NAV3: variants seen among roughly 807,000 people sequenced by gnomAD.
The protein encoded by NAV3 is pore membrane and/or filament interacting like protein 1.
In NAV3, 87 loss-of-function variants were observed where a neutral mutation model predicts 244.7. That is an observed-to-expected ratio of 0.36 (90% CI 0.30 to 0.42). The LOEUF is 0.42. Among genes scored for constraint, NAV3 ranks in the 20% least tolerant of loss-of-function variants. NAV3 has a pLI of 1.00. For missense variants in NAV3, 2,663 were observed against 2,893.3 expected (o/e 0.92, Z 1.83); for synonymous variants, 1,126 against 1,042.2 (o/e 1.08, Z -1.55).
At chr12:77,969,576 A>G (rs1284139961) in intron 5 of NAV3, among the ~76,000 whole-genome samples, 2 of 152,056 alleles carry the variant, frequency 1.3e-5, no homozygotes, top group Non-Finnish European at 2.9e-5. Flanking sequence ...GCCAGGCACG[A>G]TGGCTCAAGC....
intron 8 of NAV3, among the ~76,000 whole-genome samples, chr12:78,010,234 T>A (rs190051110): frequency 2.6e-5 from 4 of 152,302 alleles, no homozygotes; most frequent in Admixed American, 2.0e-4. Flanking sequence ...GTTTATAGAG[T>A]CATGACATTT....
Position 77,938,993 on chromosome 12 carries a change from A to G in NAV3, c.244-1326A>G, listed in dbSNP as rs1025520127. On this transcript the variant is annotated intron_variant, in intron 1 of 39. Coordinates refer to ENST00000397909, the MANE Select transcript of NAV3 (RefSeq NM_001024383.2). ...TGGCATGGTGTGAAGTGCGGTGTAG[A>G]TACATCAATTCTGGAACTCTTCATA... Among the ~76,000 whole-genome samples, 4 of 151,370 alleles carry G rather than the reference A, an allele frequency of 2.6e-5. No individual in the cohort carries two copies. In the Admixed American group the frequency reaches 2.7e-4, roughly 10 times the overall value.
At chr12:77,958,411 G>A (rs1891570339) in intron 3 of NAV3, among the ~76,000 whole-genome samples, 1 of 152,134 alleles carries the variant, frequency 6.6e-6, no homozygotes, top group African/African-American at 2.4e-5. Flanking sequence ...GATAGAACAT[G>A]AAACAATGGT....
At chr12:77,752,580 G>A (rs529742340) in intron 2 of NAV3, among the ~76,000 whole-genome samples, 12 of 152,152 alleles carry the variant, frequency 7.9e-5, no homozygotes, top group East Asian at 1.9e-4. Flanking sequence ...CAATTCTACC[G>A]AACTGACTCC....
chr12:77,945,928 T>A (rs909355699), intron 3 of NAV3, among the ~76,000 whole-genome samples: 6 of 151,532 alleles, frequency 4.0e-5, no homozygotes, highest in Admixed American at 4.0e-4. Flanking sequence ...TTTTTTAATT[T>A]TTTTAATTTT....
chr12:77,781,132 C>T (rs1222556713), intron 2 of NAV3, among the ~76,000 whole-genome samples: 3 of 152,102 alleles, frequency 2.0e-5, no homozygotes, highest in South Asian at 2.1e-4. Context: ...AAGGTGTTGA[C>T]CAGGACCAAG....
At chr12:78,159,382 G>T (rs148708681) in intron 23 of NAV3, 96 bp downstream of exon 23, 1 of 1,134,842 alleles carries the variant, frequency 8.8e-7, no homozygotes, top group Non-Finnish European at 1.3e-6. Context: ...TAATATTCCA[G>T]GCTGAGTGCA....
chr12:77,761,977 C>T (rs1869489893), intron 2 of NAV3, among the ~76,000 whole-genome samples: 2 of 108,094 alleles, frequency 1.9e-5, no homozygotes, highest in African/African-American at 4.7e-5. Flanking sequence ...CACATGCACA[C>T]ATATGTTTTT....
chr12:77,617,011 A>G (rs1408820537), intron 2 of NAV3, among the ~76,000 whole-genome samples: 1 of 152,162 alleles, frequency 6.6e-6, no homozygotes, highest in Non-Finnish European at 1.5e-5. Flanking sequence ...CTAAATAGTC[A>G]CTTATCTTTT....
chr12:78,201,791 T>C (rs1444888774), intron 38 of NAV3, among the ~76,000 whole-genome samples: 1 of 152,072 alleles, frequency 6.6e-6, no homozygotes, highest in Non-Finnish European at 1.5e-5. Flanking sequence ...AATTAAGATA[T>C]AGTTTATGTT....
chr12:77,843,582 A>G (rs1421336882), intron 1 of NAV3, among the ~76,000 whole-genome samples: 2 of 151,638 alleles, frequency 1.3e-5, no homozygotes, highest in African/African-American at 4.8e-5. Flanking sequence ...CTTTTTAGGA[A>G]TCTATATTCA....
At chr12:78,125,537 A>C (rs1265502929) in intron 16 of NAV3, among the ~76,000 whole-genome samples, 2 of 152,114 alleles carry the variant, frequency 1.3e-5, no homozygotes, top group Non-Finnish European at 2.9e-5. Flanking sequence ...CAACTTTGCA[A>C]ATTCTGGGTT....
intron 1 of NAV3, among the ~76,000 whole-genome samples, chr12:77,872,270 G>A (rs1881086960): frequency 6.6e-6 from 1 of 152,008 alleles, no homozygotes; most frequent in Admixed American, 6.6e-5. Context: ...TTCTTCTCTA[G>A]CATGGGAACA....
chr12:78,022,237 C>G (rs1877276235), intron 9 of NAV3, among the ~76,000 whole-genome samples: 1 of 152,058 alleles, frequency 6.6e-6, no homozygotes, highest in Non-Finnish European at 1.5e-5. Flanking sequence ...TAAAACATCT[C>G]TACAGGGTGG....
intron 2 of NAV3, among the ~76,000 whole-genome samples, chr12:77,709,544 T>A (rs143714816): frequency 3.9e-4 from 59 of 152,342 alleles, no homozygotes; most frequent in Non-Finnish European, 7.9e-4. Flanking sequence ...GCTTTCTAGA[T>A]ATATGAAGGA....
chr12:77,684,766 T>A (rs564707439), intron 2 of NAV3, among the ~76,000 whole-genome samples: 2 of 152,310 alleles, frequency 1.3e-5, no homozygotes, highest in South Asian at 4.1e-4. Context: ...ATTCTTTTTA[T>A]GTTTTCTTCA....
At chr12:77,790,281 C>G (rs1871125457) in intron 2 of NAV3, among the ~76,000 whole-genome samples, 1 of 152,146 alleles carries the variant, frequency 6.6e-6, no homozygotes, top group East Asian at 1.9e-4. Context: ...CATCTTTTGA[C>G]TCACCAGAAA....
chr12:77,584,624 A>G (rs1452549643), intron 2 of NAV3, among the ~76,000 whole-genome samples: 1 of 152,186 alleles, frequency 6.6e-6, no homozygotes. Context: ...GACTCTTACA[A>G]GTGAGAAAAA....
chr12:77,874,842 A>G lies in NAV3; in HGVS notation c.243+43138A>G, dbSNP rs571347781. 9.9e-5 allele frequency among the ~76,000 whole-genome samples: 15 copies of G among 151,126 alleles called. No homozygotes were observed. In the East Asian group the frequency reaches 2.7e-3, roughly 28 times the overall value. On this transcript the variant is annotated intron_variant, in intron 1 of 39. Transcript: ENST00000397909. Reference sequence around the variant, plus strand: ...TGAATTAAGCATCAGAGACACCTGGATCAATAAAATATTATTTTATTCTGT... The same window carrying G: ...TGAATTAAGCATCAGAGACACCTGGGTCAATAAAATATTATTTTATTCTGT...
Sources: allele counts gnomAD v4.1 joint callset (sites outside exome capture counted in the v4.1 genomes callset), GRCh38; gene constraint gnomAD v4.1.1; transcripts MANE v1.5; gene names NCBI Gene and HGNC (gene_info 2026-07-23, HGNC 2026-07-21).